Variants in CDK17 observed in about 807,000 individuals in gnomAD.
The protein encoded by CDK17 is cyclin-dependent kinase 17.
Under a neutral mutation model 77.6 loss-of-function variants are expected in CDK17, and 24 were observed. The ratio of observed to expected loss-of-function variants is 0.31; its 90% confidence interval spans 0.22 to 0.44. The LOEUF (loss-of-function observed/expected upper bound fraction) is 0.44, where lower values mean the gene tolerates loss of function less well. Ranked by LOEUF, CDK17 falls within the 20% of genes least tolerant of loss-of-function variation. CDK17 has a pLI of 1.00. For synonymous variants in CDK17, 203 were observed against 210.4 expected, an observed-to-expected ratio of 0.96 and a Z score of 0.30; for missense variants, 429 against 622.5, an observed-to-expected ratio of 0.69 and a Z score of 3.31.
intron 1 of CDK17, among the ~76,000 whole-genome samples, chr12:96,347,331 A>AGGCGGGCAGATCACC (rs1417992342): frequency 6.6e-6 from 1 of 151,822 alleles, no homozygotes; most frequent in East Asian, 1.9e-4. Context: ...TAGGAGGCAG[A>AGGCGGGCAGATCACC]GGCGGGCAGA....
chr12:96,339,183 A>T lies in CDK17; in HGVS notation c.-29-4318T>A, dbSNP rs376590343. ...AAATGTTATTACAGAATTAATTCAT[A>T]TAACAGTAACATTCTGTAACACAGA... is the stretch of plus-strand genomic sequence containing the variant. On this transcript the variant is annotated intron_variant, in intron 1 of 16. Transcript: ENST00000261211. Among the ~76,000 whole-genome samples, 10 of 152,378 alleles carry T rather than the reference A, an allele frequency of 6.6e-5. No individual in the cohort carries two copies. In the South Asian group the frequency reaches 2.1e-3, roughly 32 times the overall value.
chr12:96,309,043 T>C (rs1318361795), intron 5 of CDK17, among the ~76,000 whole-genome samples: 1 of 152,192 alleles, frequency 6.6e-6, no homozygotes, highest in Non-Finnish European at 1.5e-5. Flanking sequence ...ATGTCAGCCT[T>C]TGTTTAAATA....
intron 6 of CDK17, among the ~76,000 whole-genome samples, chr12:96,300,012 A>T (rs1952473912): frequency 6.6e-6 from 1 of 152,228 alleles, no homozygotes; most frequent in African/African-American, 2.4e-5. Flanking sequence ...GTAGACTGGC[A>T]GTAGACTAAG....
intron 15 of CDK17, chr12:96,282,299 C>A: frequency 2.1e-6 from 1 of 475,514 alleles, no homozygotes; most frequent in Non-Finnish European, 3.8e-6. Flanking sequence ...TGGTTTCCTA[C>A]AGAGGAGTGA....
intron 1 of CDK17, among the ~76,000 whole-genome samples, chr12:96,385,737 T>C (rs993250481): frequency 6.6e-6 from 1 of 152,236 alleles, no homozygotes; most frequent in South Asian, 2.1e-4. Context: ...AGAACGTACA[T>C]TGTACATTTT....
intron 1 of CDK17, among the ~76,000 whole-genome samples, chr12:96,373,706 G>A (rs1251144030): frequency 6.6e-6 from 1 of 152,074 alleles, no homozygotes; most frequent in East Asian, 1.9e-4. Flanking sequence ...CAGATCACAA[G>A]GTCAGGAGAT....
rs369639766 is a variant in CDK17, at chr12:96,317,978, T to A, written c.284-4524A>T. Reference sequence around the variant, plus strand: ...AACTTTAAATGTAAATGGACTAAATTCTCCAATTAAAAGACACAGACTGGC... The same window carrying A: ...AACTTTAAATGTAAATGGACTAAATACTCCAATTAAAAGACACAGACTGGC... On this transcript the variant is annotated intron_variant, in intron 3 of 16. Coordinates refer to ENST00000261211, the MANE Select transcript of CDK17 (RefSeq NM_002595.5). Among the ~76,000 whole-genome samples the A allele has an allele frequency of 3.0e-4, 46 of 151,276 alleles. No homozygotes were observed. The South Asian group carries it at 9.5e-3, about 31-fold the overall frequency.
chr12:96,327,962 C>A (rs1952912974), intron 2 of CDK17, among the ~76,000 whole-genome samples: 2 of 152,296 alleles, frequency 1.3e-5, no homozygotes, highest in East Asian at 3.9e-4. Flanking sequence ...GTCCCCAACT[C>A]CTGGGTCACA....
chr12:96,308,621 C>A (rs980879778), intron 5 of CDK17, among the ~76,000 whole-genome samples: 2 of 150,444 alleles, frequency 1.3e-5, no homozygotes, highest in Non-Finnish European at 3.0e-5. Flanking sequence ...CCCAGCTACT[C>A]GGGAGGCTGA....
intron 1 of CDK17, among the ~76,000 whole-genome samples, chr12:96,355,604 C>T (rs1953382164): frequency 6.6e-6 from 1 of 151,984 alleles, no homozygotes; most frequent in African/African-American, 2.4e-5. Flanking sequence ...GACAGGGTTT[C>T]ACCATGTTGG....
intron 1 of CDK17, among the ~76,000 whole-genome samples, chr12:96,380,667 T>C (rs528459387): frequency 6.6e-6 from 1 of 152,284 alleles, no homozygotes; most frequent in Non-Finnish European, 1.5e-5. Flanking sequence ...AGGTTGTCCA[T>C]TTAACTTGCA....
At chr12:96,286,623 T>C (rs1392042871) in intron 12 of CDK17, 41 bp downstream of exon 12, 2 of 1,390,318 alleles carry the variant, frequency 1.4e-6, no homozygotes, top group Non-Finnish European at 2.0e-6. Context: ...AGCTAGTCAA[T>C]TATGGGTGCA....
At chr12:96,316,702 C>T (rs1372539502) in intron 3 of CDK17, among the ~76,000 whole-genome samples, 3 of 126,398 alleles carry the variant, frequency 2.4e-5, no homozygotes, top group African/African-American at 8.9e-5. Context: ...GGCACACTGA[C>T]ACCTCACACG....
At chr12:96,380,168 C>A in intron 1 of CDK17, among the ~76,000 whole-genome samples, 1 of 73,276 alleles carries the variant, frequency 1.4e-5, no homozygotes, top group African/African-American at 5.2e-5. Context: ...GACTCTGTCC[C>A]CCGACCAAAA....
At chr12:96,372,348 T>TA (rs1953708758) in intron 1 of CDK17, among the ~76,000 whole-genome samples, 3 of 152,262 alleles carry the variant, frequency 2.0e-5, no homozygotes, top group Admixed American at 1.3e-4. Flanking sequence ...GGCCTCAAAA[T>TA]AGAGTCTTCC....
chr12:96,327,916 A>G (rs1469122790), intron 2 of CDK17, among the ~76,000 whole-genome samples: 2 of 152,232 alleles, frequency 1.3e-5, no homozygotes, highest in African/African-American at 4.8e-5. Flanking sequence ...TTAATGGACT[A>G]TAACTGGAAT....
At chr12:96,282,308 G>C in intron 15 of CDK17, 1 of 498,470 alleles carries the variant, frequency 2.0e-6, no homozygotes, top group Non-Finnish European at 3.6e-6. Context: ...ACAGAGGAGT[G>C]ACAATGTGCT....
rs891903305 is a variant in CDK17 at position 96,338,432 on chromosome 12, T to G, written c.-29-3567A>C. Among the ~76,000 whole-genome samples the G allele has an allele frequency of 3.9e-5, 6 of 152,342 alleles. No homozygotes were observed. In the South Asian group the frequency reaches 1.0e-3, roughly 26 times the overall value. ...AATCATCAAGCATGATGGGTTGGTC[T>G]TGGGGATTCCCAACGCACACTCCAA... On this transcript the variant is annotated intron_variant, in intron 1 of 16. Coordinates refer to ENST00000261211, the MANE Select transcript of CDK17 (RefSeq NM_002595.5).
intron 5 of CDK17, among the ~76,000 whole-genome samples, chr12:96,306,532 G>A (rs1359435160): frequency 6.6e-6 from 1 of 151,664 alleles, no homozygotes; most frequent in African/African-American, 2.4e-5. Context: ...TTAGATTAAG[G>A]GTATATTATC....
Sources: gnomAD v4.1 joint callset for allele counts (sites outside exome capture counted in the v4.1 genomes callset) on GRCh38, gnomAD v4.1.1 for gene constraint, MANE v1.5 for transcripts, NCBI Gene and HGNC (gene_info 2026-07-23, HGNC 2026-07-21) for gene names.